Variants in AUTS2 observed in about 807,000 individuals in gnomAD.
AUTS2 encodes the protein activator of transcription and developmental regulator AUTS2, also known as autism susceptibility gene 2 protein.
In AUTS2, 17 loss-of-function variants were observed where a neutral mutation model predicts 112.4. The observed-to-expected ratio is 0.15, with a 90% CI of 0.10 to 0.23. The LOEUF (loss-of-function observed/expected upper bound fraction) is 0.23. Ranked by LOEUF, AUTS2 falls within the 10% of genes least tolerant of loss-of-function variation. The probability of loss-of-function intolerance (pLI) is 1.00; values close to 1 mark genes in which losing one functional copy is unlikely to be tolerated. For missense variants in AUTS2, 1,510 were observed against 1,701.6 expected (o/e 0.89, Z 1.98); for synonymous variants, 751 against 702.7 (o/e 1.07, Z -1.09).
chr7:70,127,933 TCTCC>T (rs1554319126), intron 3 of AUTS2, among the ~76,000 whole-genome samples: 4 of 151,834 alleles, frequency 2.6e-5, no homozygotes, highest in Non-Finnish European at 4.4e-5. Context: ...CCCTTCCTTC[TCTCC>T]CTCCCTCCCT....
rs79374438 is a variant in AUTS2 at position 70,249,284 on chromosome 7, T to G, written c.660+114713T>G. On this transcript the variant is annotated intron_variant, in intron 4 of 18. Transcript: ENST00000342771. ...ATTTGTTGTCTTCTTTTTTTAATTT[T>G]AAATTACGTTTTATTTAACCCGGTA... Among the ~76,000 whole-genome samples, 793 of 152,320 alleles carry G rather than the reference T, an allele frequency of 5.2e-3. 14 individuals are homozygous for G. The highest frequency in any genetic ancestry group is 0.018 in the African/African-American group (741 of 41,572).
At chr7:69,860,558 T>G (rs1252583805) in intron 1 of AUTS2, among the ~76,000 whole-genome samples, 1 of 152,106 alleles carries the variant, frequency 6.6e-6, no homozygotes, top group Admixed American at 6.6e-5. Context: ...CACTTTTCCT[T>G]CCACTTGCAG....
At chr7:69,629,020 T>G (rs955444088) in intron 1 of AUTS2, among the ~76,000 whole-genome samples, 2 of 152,154 alleles carry the variant, frequency 1.3e-5, no homozygotes, top group African/African-American at 4.8e-5. Context: ...TTGAGAAAGG[T>G]CAGTCAGCTG....
chr7:69,817,907 T>C (rs1584289610), intron 1 of AUTS2, among the ~76,000 whole-genome samples: 1 of 152,156 alleles, frequency 6.6e-6, no homozygotes, highest in African/African-American at 2.4e-5. Flanking sequence ...TTTGCTGATT[T>C]GGTGGGAGAT....
At chr7:69,867,852 A>G (rs945340701) in intron 1 of AUTS2, among the ~76,000 whole-genome samples, 3 of 152,228 alleles carry the variant, frequency 2.0e-5, no homozygotes, top group African/African-American at 7.2e-5. Context: ...CAGAATTAGC[A>G]AATAAAAATA....
intron 4 of AUTS2, among the ~76,000 whole-genome samples, chr7:70,296,840 A>ATTT (rs11309209): frequency 3.9e-5 from 5 of 127,938 alleles, no homozygotes; most frequent in African/African-American, 1.5e-4. Flanking sequence ...CTGGGTATAC[A>ATTT]TTTTTTTTTT....
chr7:69,929,840 C>T (rs1203375035), intron 2 of AUTS2, among the ~76,000 whole-genome samples: 1 of 152,204 alleles, frequency 6.6e-6, no homozygotes, highest in Admixed American at 6.5e-5. Flanking sequence ...TTATTCTACT[C>T]ATTATGGGTC....
At chr7:69,674,892 C>G (rs534479317) in intron 1 of AUTS2, among the ~76,000 whole-genome samples, 4 of 152,350 alleles carry the variant, frequency 2.6e-5, no homozygotes, top group African/African-American at 7.2e-5. Flanking sequence ...AGAAGGCGTA[C>G]TGCAGGAACA....
At chr7:70,584,434 C>A (rs1220168181) in intron 5 of AUTS2, among the ~76,000 whole-genome samples, 1 of 152,234 alleles carries the variant, frequency 6.6e-6, no homozygotes, top group East Asian at 1.9e-4. Flanking sequence ...GTTTCATTCA[C>A]GCTGTGACAG....
At chr7:70,282,564 G>A (rs1436436315) in intron 4 of AUTS2, among the ~76,000 whole-genome samples, 2 of 152,060 alleles carry the variant, frequency 1.3e-5, no homozygotes, top group Non-Finnish European at 2.9e-5. Flanking sequence ...CACTCATGAA[G>A]GCTTCACCCT....
intron 2 of AUTS2, among the ~76,000 whole-genome samples, chr7:70,077,332 C>T (rs1258435700): frequency 2.0e-5 from 3 of 152,192 alleles, no homozygotes; most frequent in Non-Finnish European, 2.9e-5. Context: ...CTGCGCCCTA[C>T]GTCCCAGTAG....
chr7:70,537,312 T>C (rs1800363964), intron 5 of AUTS2, among the ~76,000 whole-genome samples: 1 of 152,234 alleles, frequency 6.6e-6, no homozygotes, highest in Non-Finnish European at 1.5e-5. Flanking sequence ...CTCCCAGTAC[T>C]ACAACATTGG....
At chr7:69,717,646 AT>A (rs1351357279) in intron 1 of AUTS2, among the ~76,000 whole-genome samples, 2 of 152,194 alleles carry the variant, frequency 1.3e-5, no homozygotes, top group African/African-American at 4.8e-5. Flanking sequence ...TTGGGAAACT[AT>A]TCCTATAGAA....
At chr7:70,710,316 A>G (rs1809982930) in intron 6 of AUTS2, among the ~76,000 whole-genome samples, 1 of 152,086 alleles carries the variant, frequency 6.6e-6, no homozygotes, top group Admixed American at 6.5e-5. Context: ...TTTTTCTATG[A>G]GATGACTCAT....
chr7:70,092,530 G>A (rs1803974712), intron 2 of AUTS2, among the ~76,000 whole-genome samples: 1 of 152,130 alleles, frequency 6.6e-6, no homozygotes, highest in African/African-American at 2.4e-5. Context: ...TGTGTGAGTG[G>A]TGAGGAGCAC....
chr7:70,175,130 G>A (rs1431784633), intron 4 of AUTS2, among the ~76,000 whole-genome samples: 1 of 152,074 alleles, frequency 6.6e-6, no homozygotes, highest in Non-Finnish European at 1.5e-5. Context: ...AACATGAACA[G>A]GAATTTGGAA....
intron 5 of AUTS2, among the ~76,000 whole-genome samples, chr7:70,678,198 G>T (rs570831639): frequency 6.6e-6 from 1 of 152,082 alleles, no homozygotes; most frequent in East Asian, 1.9e-4. Context: ...AACATGTTTT[G>T]TTCTTCTTTT....
At chr7:70,101,371 G>C (rs1804485040) in intron 2 of AUTS2, among the ~76,000 whole-genome samples, 1 of 147,622 alleles carries the variant, frequency 6.8e-6, no homozygotes, top group Non-Finnish European at 1.5e-5. Context: ...CATAAGAACT[G>C]CCAAAAAAAA....
At chr7:69,636,347 C>T (rs2129110363) in intron 1 of AUTS2, among the ~76,000 whole-genome samples, 1 of 152,292 alleles carries the variant, frequency 6.6e-6, no homozygotes. Flanking sequence ...TCTCCTGCTG[C>T]AGCCTCCTGA....
Sources: allele counts gnomAD v4.1 joint callset (sites outside exome capture counted in the v4.1 genomes callset), GRCh38; gene constraint gnomAD v4.1.1; transcripts MANE v1.5; gene names NCBI Gene and HGNC (gene_info 2026-07-23, HGNC 2026-07-21).